The following AP2A1 variants were observed in gnomAD, a reference collection of about 807,000 sequenced individuals.
AP2A1 encodes the protein AP-2 complex subunit alpha-1.
In AP2A1, 21 loss-of-function variants were observed where a neutral mutation model predicts 107.3. The observed-to-expected ratio is 0.20, with a 90% confidence interval of 0.14 to 0.28. AP2A1 has a LOEUF of 0.28. Ranked by LOEUF, AP2A1 falls within the 10% of genes least tolerant of loss-of-function variation. AP2A1 has a pLI of 1.00. For missense variants in AP2A1, 873 were observed against 1,307.7 expected (o/e 0.67, Z 5.13); for synonymous variants, 602 against 564.8 (o/e 1.07, Z -0.93).
chr19:49,803,391 C>T lies in AP2A1; in HGVS notation c.2344+15C>T, dbSNP rs777569992. ...CCTCCAGACTCATATCCTCTCAGGC[C>T]CGGCCCAGCCTCCTGCCTCTCCACG... On this transcript the variant is annotated intron_variant, in intron 18 of 22. Coordinates refer to ENST00000354293, the MANE Select transcript of AP2A1 (RefSeq NM_130787.3). 12 of 1,608,908 alleles carry T rather than the reference C, an allele frequency of 7.5e-6. No homozygotes were observed. In the East Asian group the frequency reaches 2.5e-4, roughly 33 times the overall value.
chr19:49,805,562 G>A lies in AP2A1; in HGVS notation c.2454G>A (p.Leu818=). The A allele has an allele frequency of 7.6e-6, 12 of 1,577,586 alleles. No individual in the cohort carries two copies. The highest frequency in any genetic ancestry group is 1.0e-5 in the Non-Finnish European group (12 of 1,161,574). ...CLRDFLTPPL[L]SVRFRYGGAP... Reference sequence around the variant, plus strand: ...GGGACTTCCTGACGCCCCCGCTGCTGTCCGTGCGCTTCCGGTGAGTCAGGT... The same window carrying A: ...GGGACTTCCTGACGCCCCCGCTGCTATCCGTGCGCTTCCGGTGAGTCAGGT... The change falls in exon 19 of 23, where the codon CTG becomes CTA. Residue 818 remains leucine (L), a synonymous_variant. Coordinates refer to ENST00000354293, the MANE Select transcript of AP2A1 (RefSeq NM_130787.3).
chr19:49,799,530 C>A lies in AP2A1; in HGVS notation c.1134+35C>A, dbSNP rs570476899. ...CTTGGAGCCCACCCCGGGCCTGCCACCCCCCTCAGAAAGACCAGAGGCTCA... is the reference window on the plus strand; with the variant it reads ...CTTGGAGCCCACCCCGGGCCTGCCAACCCCCTCAGAAAGACCAGAGGCTCA... On this transcript the variant is annotated intron_variant, in intron 9 of 22. Coordinates refer to ENST00000354293, the MANE Select transcript of AP2A1 (RefSeq NM_130787.3). 3.4e-5 allele frequency: 55 copies of A among 1,605,168 alleles called. No homozygotes were observed. In the East Asian group the frequency reaches 1.2e-3, roughly 34 times the overall value.
chr19:49,792,441 C>A (rs1346892280), intron 5 of AP2A1, among the ~76,000 whole-genome samples: 1 of 151,890 alleles, frequency 6.6e-6, no homozygotes, highest in Non-Finnish European at 1.5e-5. Context: ...CCTGGAGCTT[C>A]CCCCTCGGCG....
intron 7 of AP2A1, 36 bp from the exon 8 acceptor site, chr19:49,798,766 G>A (rs907771697): frequency 1.3e-6 from 2 of 1,589,244 alleles, no homozygotes; most frequent in Admixed American, 1.8e-5. Flanking sequence ...AGGTGGGCAG[G>A]ACACTCAGCC....
At chr19:49,777,481 A>G (rs2084628191) in intron 1 of AP2A1, among the ~76,000 whole-genome samples, 1 of 150,554 alleles carries the variant, frequency 6.6e-6, no homozygotes, top group Non-Finnish European at 1.5e-5. Flanking sequence ...TAAATATACA[A>G]AAAATTAGCC....
In AP2A1 at chr19:49,805,643, T is replaced by A. The variant is rs775465154; in HGVS notation, c.2469-18T>A. The A allele has an allele frequency of 2.6e-6, 4 of 1,554,576 alleles. No individual in the cohort carries two copies. In the South Asian group the frequency reaches 4.7e-5, roughly 18 times the overall value. On this transcript the variant is annotated intron_variant, in intron 19 of 22. Coordinates refer to ENST00000354293, the MANE Select transcript of AP2A1 (RefSeq NM_130787.3). ...GTGAGGGGCGGGGCCTAATGGAGCCTCCCTTTCACCTCATCAGGTACGGTG... is the reference window on the plus strand; with the variant it reads ...GTGAGGGGCGGGGCCTAATGGAGCCACCCTTTCACCTCATCAGGTACGGTG...
Position 49,767,045 on chromosome 19 carries a change from C to T in AP2A1, c.-89C>T, listed in dbSNP as rs572419857. Reference sequence around the variant, plus strand: ...GGCCGGCTCGGCTCCTTGGCGCTGCCTGGGGTCCTTTCCGCCCGGTCCCCG... The same window carrying T: ...GGCCGGCTCGGCTCCTTGGCGCTGCTTGGGGTCCTTTCCGCCCGGTCCCCG... On this transcript the variant is annotated 5_prime_UTR_variant, in exon 1 of 23. Coordinates refer to ENST00000354293, the MANE Select transcript of AP2A1 (RefSeq NM_130787.3). 220 of 1,426,466 alleles carry T rather than the reference C, an allele frequency of 1.5e-4. No individual in the cohort carries two copies. The highest frequency in any genetic ancestry group is 1.9e-4 in the Non-Finnish European group (208 of 1,069,276). The allele number at this position is 1,426,466 out of a possible 1,614,324, so 88.4% of individuals were successfully genotyped here. A position where few individuals can be genotyped will look rare whatever the true frequency, so the allele number is the denominator to read the frequency against.
Position 49,802,110 on chromosome 19 carries a change from C to T in AP2A1, c.2083C>T (p.Leu695=), listed in dbSNP as rs1220441340. ...VFDGPAAQPS[L]GPTPEEAFLS... is the part of the protein sequence containing the mutation. ...CGATGGCCCGGCCGCCCAGCCCAGC[C>T]TGGGGCCCACCCCCGAGGAGGCCTT... The change falls in exon 15 of 23, where the codon CTG becomes TTG. Residue 695 remains leucine, a synonymous_variant. Transcript: ENST00000354293. The T allele has an allele frequency of 6.3e-7, 1 of 1,588,378 alleles. No homozygotes were observed. The highest frequency in any genetic ancestry group is 1.7e-5 in the Admixed American group (1 of 58,262).
At chr19:49,780,500 G>A (rs571235272) in intron 1 of AP2A1, among the ~76,000 whole-genome samples, 4 of 152,286 alleles carry the variant, frequency 2.6e-5, no homozygotes, top group Non-Finnish European at 5.9e-5. Flanking sequence ...AGGGGTCTGA[G>A]GGGTGACACC....
intron 1 of AP2A1, among the ~76,000 whole-genome samples, chr19:49,769,543 A>C (rs1033359256): frequency 6.6e-6 from 1 of 151,710 alleles, no homozygotes; most frequent in African/African-American, 2.4e-5. Flanking sequence ...CATGCTTGAC[A>C]TGTGTTCGAG....
intron 14 of AP2A1, 27 bp downstream of exon 14, chr19:49,801,916 A>G (rs1294977272): frequency 2.1e-6 from 3 of 1,460,612 alleles, no homozygotes; most frequent in African/African-American, 1.4e-5. Flanking sequence ...GGGCCCTGCC[A>G]GGGTGCCTGG....
Position 49,788,957 on chromosome 19 carries a change from C to G in AP2A1, c.474-2978C>G, listed in dbSNP as rs1234978512. On this transcript the variant is annotated intron_variant, in intron 4 of 22. Transcript: ENST00000354293. This position sits in a 1 kb window ranked among gnomAD's most constrained non-coding sequence, Gnocchi z 4.5. The stretch of plus-strand genomic sequence containing the variant: ...TTTCTAGACAGAGGAAGCCCAGAGC[C>G]TCTCCAGAGGGCCTGTCCCTGTGTC... Among the ~76,000 whole-genome samples, 1 of 152,208 alleles carries G rather than the reference C, an allele frequency of 6.6e-6. No homozygotes were observed. The highest frequency in any genetic ancestry group is 1.5e-5 in the Non-Finnish European group (1 of 68,040).
intron 6 of AP2A1, among the ~76,000 whole-genome samples, chr19:49,794,906 A>G (rs1268352614): frequency 6.6e-6 from 1 of 151,144 alleles, no homozygotes; most frequent in Non-Finnish European, 1.5e-5. Context: ...CAGGTGATCC[A>G]CCCACCTTGG....
rs1293779748 is a variant in AP2A1 at position 49,788,940 on chromosome 19, CAG to C, written c.474-2992_474-2991del. Among the ~76,000 whole-genome samples, 1 of 152,212 alleles carries C rather than the reference CAG, an allele frequency of 6.6e-6. No homozygotes were observed. The highest frequency in any genetic ancestry group is 1.9e-4 in the East Asian group (1 of 5,198). On this transcript the variant is annotated intron_variant, in intron 4 of 22. Coordinates refer to ENST00000354293, the MANE Select transcript of AP2A1 (RefSeq NM_130787.3). This position sits in a 1 kb window ranked among gnomAD's most constrained non-coding sequence, Gnocchi z 4.5. ...CACACACAGCAGTGGCCTTTCTAGA[CAG>C]AGGAAGCCCAGAGCCTCTCCAGAGG...
At chr19:49,786,420 A>G (rs1219627653) in intron 4 of AP2A1, among the ~76,000 whole-genome samples, 1 of 152,224 alleles carries the variant, frequency 6.6e-6, no homozygotes, top group African/African-American at 2.4e-5. Flanking sequence ...GGTGTCTCTC[A>G]GTTTGGACTC....
intron 17 of AP2A1, 38 bp from the exon 18 acceptor site, chr19:49,803,249 G>A (rs954832853): frequency 6.2e-7 from 1 of 1,612,442 alleles, no homozygotes; most frequent in South Asian, 1.1e-5. Context: ...GGGGTCAGAG[G>A]GACTCAGATG....
intron 1 of AP2A1, among the ~76,000 whole-genome samples, chr19:49,780,344 G>T (rs2084661334): frequency 6.6e-6 from 1 of 152,264 alleles, no homozygotes; most frequent in African/African-American, 2.4e-5. Flanking sequence ...TTTCAGGGGT[G>T]GCAGGAGCCG....
intron 4 of AP2A1, among the ~76,000 whole-genome samples, chr19:49,783,564 G>C (rs575921668): frequency 5.9e-5 from 9 of 152,314 alleles, no homozygotes; most frequent in African/African-American, 2.2e-4. Context: ...TTGGATAAAA[G>C]AGGAAAGACA....
At chr19:49,769,180 G>A (rs1382588071) in intron 1 of AP2A1, among the ~76,000 whole-genome samples, 4 of 152,044 alleles carry the variant, frequency 2.6e-5, no homozygotes, top group Non-Finnish European at 4.4e-5. Flanking sequence ...AACCCGGGAG[G>A]CAGAGGTTGC....
Sources: allele counts gnomAD v4.1 joint callset (sites outside exome capture counted in the v4.1 genomes callset), GRCh38; gene constraint gnomAD v4.1.1; non-coding constraint Gnocchi (gnomAD v3.1); transcripts MANE v1.5; gene names NCBI Gene and HGNC (gene_info 2026-07-23, HGNC 2026-07-21).